MAP2K5: variants seen among roughly 807,000 people sequenced by gnomAD.
The protein encoded by MAP2K5 is dual specificity mitogen-activated protein kinase kinase 5.
Under a neutral mutation model 83.1 loss-of-function variants are expected in MAP2K5, and 49 were observed. That is an observed-to-expected ratio of 0.59 (90% CI 0.47 to 0.75). MAP2K5 has a LOEUF of 0.75. Among genes scored for constraint, MAP2K5 ranks in the 30% least tolerant of loss-of-function variants. MAP2K5 has a pLI of 0.00. For synonymous variants in MAP2K5, 202 were observed against 191.8 expected (o/e 1.05, Z -0.44); for missense variants, 457 against 557.5 (o/e 0.82, Z 1.82).
chr15:67,552,659 A>C lies in MAP2K5; in HGVS notation c.184+2577A>C, dbSNP rs1442905558. Among the ~76,000 whole-genome samples the C allele has an allele frequency of 6.6e-6, 1 of 151,376 alleles. No homozygotes were observed. The highest frequency in any genetic ancestry group is 6.6e-5 in the Admixed American group (1 of 15,200). On this transcript the variant is annotated intron_variant, in intron 2 of 21. Coordinates refer to ENST00000178640, the MANE Select transcript of MAP2K5 (RefSeq NM_145160.3). This position sits in a 1 kb window ranked among gnomAD's most constrained non-coding sequence, Gnocchi z 4.2. ...GCTGTGTTGCTCAGGCTGGTCTTGA[A>C]CTCCTGGCCTCAAGTGATAGTCCCA...
Position 67,587,081 on chromosome 15 carries a change from T to C in MAP2K5, c.431+168T>C, listed in dbSNP as rs558081856. On this transcript the variant is annotated intron_variant, in intron 6 of 21. Transcript: ENST00000178640. The surrounding 1 kb of genome is among the most constrained non-coding windows in gnomAD (Gnocchi z 4.8). ...GATGAATGTTTAGATTTAGACTGGG[T>C]GCTGAGAAGGCTCTCTGGGGAGAGT... Among the ~76,000 whole-genome samples, 1 of 152,264 alleles carries C rather than the reference T, an allele frequency of 6.6e-6. No homozygotes were observed. The highest frequency in any genetic ancestry group is 1.5e-5 in the Non-Finnish European group (1 of 68,018).
At chr15:67,589,783 A>G (rs200772764) in intron 6 of MAP2K5, among the ~76,000 whole-genome samples, 6 of 150,248 alleles carry the variant, frequency 4.0e-5, no homozygotes, top group South Asian at 2.1e-4. Context: ...GTGTGTGTGT[A>G]TGTGTGTGTG....
intron 2 of MAP2K5, among the ~76,000 whole-genome samples, chr15:67,560,456 C>G (rs971431267): frequency 6.6e-6 from 1 of 152,228 alleles, no homozygotes; most frequent in African/African-American, 2.4e-5. Flanking sequence ...AGCTAGGTAT[C>G]CTATTAACCC....
chr15:67,713,126 G>GA (rs757688643), intron 16 of MAP2K5, among the ~76,000 whole-genome samples: 6 of 151,706 alleles, frequency 4.0e-5, no homozygotes, highest in African/African-American at 9.7e-5. Context: ...TATTCCTATA[G>GA]AAAAAAAATC....
chr15:67,569,023 A>C (rs924466497), intron 3 of MAP2K5, among the ~76,000 whole-genome samples: 28 of 151,596 alleles, frequency 1.8e-4, no homozygotes, highest in Middle Eastern at 3.2e-3. Flanking sequence ...AAAAAAACAA[A>C]AAAAAAAAAC....
At chr15:67,575,357 A>G (rs192355000) in intron 3 of MAP2K5, among the ~76,000 whole-genome samples, 2 of 137,672 alleles carry the variant, frequency 1.5e-5, no homozygotes, top group African/African-American at 2.6e-5. Flanking sequence ...AGGAAAACCC[A>G]TGGAGGTGGC....
intron 13 of MAP2K5, among the ~76,000 whole-genome samples, chr15:67,686,111 A>C (rs2087945932): frequency 1.3e-5 from 2 of 152,210 alleles, no homozygotes; most frequent in African/African-American, 4.8e-5. Flanking sequence ...CAAAGGACAG[A>C]TGGGGCAAAT....
In MAP2K5 at chr15:67,676,412, G is replaced by A. The variant is rs187518804; in HGVS notation, c.847+11767G>A. On this transcript the variant is annotated intron_variant, in intron 13 of 21. Transcript: ENST00000178640. This position sits in a 1 kb window ranked among gnomAD's most constrained non-coding sequence, Gnocchi z 4.8. ...AAGTCATCTTTTGTTCCCCTTTCTC[G>A]TATTAAAGTAAGAGATTTATCCTTG... Among the ~76,000 whole-genome samples, 24 of 152,096 alleles carry A rather than the reference G, an allele frequency of 1.6e-4. No individual in the cohort carries two copies. The highest frequency in any genetic ancestry group is 4.3e-4 in the African/African-American group (18 of 41,480).
In MAP2K5 at chr15:67,640,585, A is replaced by G. The variant is rs1437140166; in HGVS notation, c.586-5646A>G. 3.5e-5 allele frequency: 34 copies of G among 985,382 alleles called. No individual in the cohort carries two copies. Among genetic ancestry groups the G allele is most frequent in the Non-Finnish European group, 4.0e-5 (33 of 829,890 alleles). The allele number at this position is 985,382 out of a possible 1,614,324, so 61.0% of individuals were successfully genotyped here. On this transcript the variant is annotated intron_variant, in intron 9 of 21. Transcript: ENST00000178640. The surrounding 1 kb of genome is among the most constrained non-coding windows in gnomAD (Gnocchi z 4.6). ...ATCACCTGCAGGGTCTGACGCCTGCATGGAATGATGAGGGAAATTTAATTT... is the reference window on the plus strand; with the variant it reads ...ATCACCTGCAGGGTCTGACGCCTGCGTGGAATGATGAGGGAAATTTAATTT...
At chr15:67,567,585 C>G (rs11856740) in intron 3 of MAP2K5, among the ~76,000 whole-genome samples, 1 of 151,634 alleles carries the variant, frequency 6.6e-6, no homozygotes, top group Admixed American at 6.6e-5. Flanking sequence ...GGGATGGTCT[C>G]GATCTCCTGA....
Position 67,748,277 on chromosome 15 carries a change from A to G in MAP2K5, c.1101+20A>G, listed in dbSNP as rs1418698696. 2 of 1,593,830 alleles carry G rather than the reference A, an allele frequency of 1.3e-6. No homozygotes were observed. Among genetic ancestry groups the G allele is most frequent in the African/African-American group, 1.3e-5 (1 of 74,510 alleles). ...TTAATGGTAAGCTTTATGAGTTCAG[A>G]AAAAAATTCACTTTTCTTTTTCCTG... On this transcript the variant is annotated intron_variant, in intron 18 of 21. Coordinates refer to ENST00000178640, the MANE Select transcript of MAP2K5 (RefSeq NM_145160.3). The surrounding 1 kb of genome is among the most constrained non-coding windows in gnomAD (Gnocchi z 4.0).
chr15:67,791,572 GGCT>G (rs1179884712), intron 21 of MAP2K5, among the ~76,000 whole-genome samples: 4 of 152,184 alleles, frequency 2.6e-5, no homozygotes, highest in Non-Finnish European at 5.9e-5. Context: ...GCTCACAACT[GGCT>G]GCTATTATAT....
chr15:67,684,937 A>G (rs1166459646), intron 13 of MAP2K5, among the ~76,000 whole-genome samples: 1 of 152,188 alleles, frequency 6.6e-6, no homozygotes, highest in African/African-American at 2.4e-5. Context: ...TTAAATGAGC[A>G]CAACCTTAAT....
intron 12 of MAP2K5, among the ~76,000 whole-genome samples, chr15:67,664,142 A>G (rs2087309736): frequency 6.6e-6 from 1 of 152,012 alleles, no homozygotes; most frequent in Admixed American, 6.6e-5. Flanking sequence ...TTTTCCCACA[A>G]AGCCTCACAC....
chr15:67,792,026 G>A (rs1596982621), intron 21 of MAP2K5, among the ~76,000 whole-genome samples: 1 of 152,300 alleles, frequency 6.6e-6, no homozygotes, highest in African/African-American at 2.4e-5. Flanking sequence ...GCAGAGGAGG[G>A]GCAGGGCCAG....
rs12908383 is a variant in MAP2K5, at chr15:67,637,254, C to G, written c.585+6327C>G. On this transcript the variant is annotated intron_variant, in intron 9 of 21. Transcript: ENST00000178640. This position sits in a 1 kb window ranked among gnomAD's most constrained non-coding sequence, Gnocchi z 4.5. Reference sequence around the variant, plus strand: ...GAGTCAATACTCCTTAATAAATTCCCCTTCATATATACATCTATCCTATTA... The same window carrying G: ...GAGTCAATACTCCTTAATAAATTCCGCTTCATATATACATCTATCCTATTA... Among the ~76,000 whole-genome samples the G allele has an allele frequency of 0.01, 1,527 of 152,240 alleles. 10 individuals are homozygous for G. Among genetic ancestry groups the G allele is most frequent in the Non-Finnish European group, 0.014 (955 of 68,004 alleles).
intron 3 of MAP2K5, among the ~76,000 whole-genome samples, chr15:67,578,198 G>A (rs537300040): frequency 1.8e-4 from 28 of 152,282 alleles, no homozygotes; most frequent in African/African-American, 6.7e-4. Context: ...CTGGGTTTGA[G>A]CCCTCTGATT....
At chr15:67,687,578 G>T (rs1596795858) in intron 13 of MAP2K5, among the ~76,000 whole-genome samples, 1 of 152,140 alleles carries the variant, frequency 6.6e-6, no homozygotes, top group Non-Finnish European at 1.5e-5. Flanking sequence ...ACATGGTAAG[G>T]TGTCAGTAAA....
intron 13 of MAP2K5, among the ~76,000 whole-genome samples, chr15:67,679,433 G>T (rs1477630796): frequency 6.6e-6 from 1 of 152,150 alleles, no homozygotes; most frequent in Non-Finnish European, 1.5e-5. Flanking sequence ...GCAGCTACTT[G>T]CGGTTATTGA....
Sources: allele counts gnomAD v4.1 joint callset (sites outside exome capture counted in the v4.1 genomes callset), GRCh38; gene constraint gnomAD v4.1.1; non-coding constraint Gnocchi (gnomAD v3.1); transcripts MANE v1.5; gene names NCBI Gene and HGNC (gene_info 2026-07-23, HGNC 2026-07-21).